FERMT2: variants seen among roughly 807,000 people sequenced by gnomAD.
FERMT2 encodes the protein FERM domain containing kindlin 2, also known as fermitin family homolog 2.
Under a neutral mutation model 82.7 loss-of-function variants are expected in FERMT2, and 15 were observed. The ratio of observed to expected loss-of-function variants is 0.18; its 90% CI spans 0.12 to 0.28. The LOEUF is 0.28. Among genes scored for constraint, FERMT2 ranks in the 10% least tolerant of loss-of-function variants. FERMT2 has a pLI of 1.00. For missense variants in FERMT2, 645 were observed against 809.4 expected, an observed-to-expected ratio of 0.80 and a Z score of 2.46; for synonymous variants, 274 against 271.5, an observed-to-expected ratio of 1.01 and a Z score of -0.09.
chr14:52,930,503 C>T (rs1292572524), intron 2 of FERMT2, among the ~76,000 whole-genome samples: 1 of 152,140 alleles, frequency 6.6e-6, no homozygotes, highest in African/African-American at 2.4e-5. Context: ...GCAATGGCAC[C>T]TGCAGAGAGT....
At chr14:52,902,879 A>AAAC (rs1176419299) in intron 3 of FERMT2, among the ~76,000 whole-genome samples, 1 of 136,250 alleles carries the variant, frequency 7.3e-6, no homozygotes, top group African/African-American at 2.7e-5. Flanking sequence ...AAAAAAAAAA[A>AAAC]AAAAAAAAAA....
chr14:52,860,706 G>A, intron 12 of FERMT2: 1 of 560,490 alleles, frequency 1.8e-6, no homozygotes. Flanking sequence ...GGAGTACATA[G>A]TTGCCACACT....
chr14:52,864,464 C>T lies in FERMT2; in HGVS notation c.1539G>A (p.Thr513=), dbSNP rs552889764. The T allele has an allele frequency of 1.2e-5, 19 of 1,614,106 alleles. No homozygotes were observed. The highest frequency in any genetic ancestry group is 4.5e-5 in the East Asian group (2 of 44,884). ...CCAAACATTCAGGAGTTATATCAGT[C>T]GTGATCTGCTCTGGTATTAACTGAG... ...PDPQLIPEQI[T]TDITPECLVS... The change falls in exon 12 of 15, where the codon ACG becomes ACA. Residue 513 remains threonine, a synonymous_variant. Transcript: ENST00000341590.
At chr14:52,905,536 C>T (rs1446633414) in intron 3 of FERMT2, among the ~76,000 whole-genome samples, 3 of 152,158 alleles carry the variant, frequency 2.0e-5, no homozygotes, top group East Asian at 3.9e-4. Flanking sequence ...GAGGTGGTGG[C>T]GAATAGACTA....
intron 2 of FERMT2, among the ~76,000 whole-genome samples, chr14:52,932,230 T>C (rs923823275): frequency 1.3e-5 from 2 of 152,146 alleles, no homozygotes; most frequent in African/African-American, 4.8e-5. Context: ...TTACATGCCA[T>C]TAGCCAAGAT....
intron 2 of FERMT2, among the ~76,000 whole-genome samples, chr14:52,920,839 G>A (rs898371762): frequency 6.6e-6 from 1 of 152,076 alleles, no homozygotes; most frequent in African/African-American, 2.4e-5. Context: ...TGCTACTCAG[G>A]TGGCTGAGGT....
intron 4 of FERMT2, among the ~76,000 whole-genome samples, chr14:52,890,805 G>T (rs1594954161): frequency 6.6e-6 from 1 of 151,976 alleles, no homozygotes. Context: ...GTTTCACCAT[G>T]TTGGTCAGGC....
chr14:52,860,954 G>A (rs1015995552), intron 12 of FERMT2: 2 of 1,244,152 alleles, frequency 1.6e-6, no homozygotes, highest in African/African-American at 3.0e-5. Flanking sequence ...CATGAGGGAA[G>A]GTTGTGGCTA....
At chr14:52,938,542 A>G (rs1051065787) in intron 2 of FERMT2, among the ~76,000 whole-genome samples, 3 of 152,306 alleles carry the variant, frequency 2.0e-5, no homozygotes, top group Non-Finnish European at 4.4e-5. Context: ...CACATCTTAG[A>G]GTAAGTTCTT....
At chr14:52,936,223 A>T (rs950430800) in intron 2 of FERMT2, among the ~76,000 whole-genome samples, 2 of 152,258 alleles carry the variant, frequency 1.3e-5, no homozygotes, top group African/African-American at 4.8e-5. Context: ...AAAGTTCAAA[A>T]GAAAAGCAAT....
chr14:52,862,755 T>C (rs1450084302), intron 12 of FERMT2: 1 of 152,212 alleles, frequency 6.6e-6, no homozygotes, highest in East Asian at 1.9e-4. Context: ...TTTGATTAGA[T>C]GGCAACATGA....
intron 2 of FERMT2, among the ~76,000 whole-genome samples, chr14:52,935,386 C>T (rs1458100481): frequency 6.6e-6 from 1 of 152,070 alleles, no homozygotes; most frequent in Admixed American, 6.5e-5. Context: ...TTTGTGTCCC[C>T]CCAAATTCAT....
intron 2 of FERMT2, among the ~76,000 whole-genome samples, chr14:52,949,506 G>A (rs112164126): frequency 0.019 from 2,869 of 150,310 alleles, 64 homozygotes; most frequent in Non-Finnish European, 0.024. Context: ...TATCACAACT[G>A]TATTATGTAC....
chr14:52,932,024 G>A (rs548650557), intron 2 of FERMT2, among the ~76,000 whole-genome samples: 16 of 152,254 alleles, frequency 1.1e-4, no homozygotes, highest in African/African-American at 3.4e-4. Flanking sequence ...GCGAGACTCC[G>A]TCTCAAAAAA....
At chr14:52,914,685 C>T (rs934537450) in intron 3 of FERMT2, among the ~76,000 whole-genome samples, 2 of 151,992 alleles carry the variant, frequency 1.3e-5, no homozygotes, top group African/African-American at 2.4e-5. Context: ...TTTGGGAGGC[C>T]GAGGCAGGCG....
chr14:52,915,357 T>A (rs568821615), intron 3 of FERMT2, among the ~76,000 whole-genome samples: 2 of 152,204 alleles, frequency 1.3e-5, no homozygotes, highest in Non-Finnish European at 2.9e-5. Flanking sequence ...AGGTACTTGC[T>A]CTATCAGATA....
intron 3 of FERMT2, among the ~76,000 whole-genome samples, chr14:52,912,491 C>T (rs545971426): frequency 1.8e-4 from 28 of 151,380 alleles, no homozygotes; most frequent in Non-Finnish European, 3.4e-4. Flanking sequence ...ATTCCCTGAA[C>T]ATCCTGTAAC....
chr14:52,930,376 A>C (rs749776632), intron 2 of FERMT2, among the ~76,000 whole-genome samples: 1 of 152,238 alleles, frequency 6.6e-6, no homozygotes, highest in South Asian at 2.1e-4. Flanking sequence ...AAATCATACA[A>C]TAAATTACCC....
At chr14:52,913,680 CAGTAGT>C (rs60319673) in intron 3 of FERMT2, among the ~76,000 whole-genome samples, 13,450 of 147,768 alleles carry the variant, frequency 0.091, 723 homozygotes, top group East Asian at 0.21. Flanking sequence ...CAGCCAAAAA[CAGTAGT>C]AGTAGTAGTA....
Sources: allele counts gnomAD v4.1 joint callset (sites outside exome capture counted in the v4.1 genomes callset), GRCh38; gene constraint gnomAD v4.1.1; transcripts MANE v1.5; gene names NCBI Gene and HGNC (gene_info 2026-07-23, HGNC 2026-07-21).